Variants in DLGAP2 observed in about 807,000 individuals in gnomAD.
DLGAP2 encodes DLG associated protein 2, also known as disks large-associated protein 2.
DLGAP2 carries 26 observed loss-of-function variants against 100.3 expected under a neutral mutation model. The observed-to-expected ratio is 0.26, with a 90% confidence interval of 0.19 to 0.36. The LOEUF (loss-of-function observed/expected upper bound fraction) is 0.36, where lower values mean the gene tolerates loss of function less well. Ranked by LOEUF, DLGAP2 falls within the 10% of genes least tolerant of loss-of-function variation. DLGAP2 has a pLI of 1.00. For synonymous variants in DLGAP2, 886 were observed against 630.1 expected, an observed-to-expected ratio of 1.41 and a Z score of -6.08; for missense variants, 1,858 against 1,453.2, an observed-to-expected ratio of 1.28 and a Z score of -4.53.
At chr8:1,641,250 T>C (rs966795024) in intron 8 of DLGAP2, among the ~76,000 whole-genome samples, 3 of 152,220 alleles carry the variant, frequency 2.0e-5, no homozygotes, top group Admixed American at 6.5e-5. Context: ...ATCGTGCATC[T>C]GTATCAGGAA....
chr8:817,286 C>G (rs940295178), intron 1 of DLGAP2, among the ~76,000 whole-genome samples: 1 of 152,136 alleles, frequency 6.6e-6, no homozygotes, highest in Non-Finnish European at 1.5e-5. Flanking sequence ...TTGCATTTCT[C>G]TAAGTTTGAA....
At chr8:782,821 C>A (rs1051055831) in intron 1 of DLGAP2, among the ~76,000 whole-genome samples, 2 of 152,190 alleles carry the variant, frequency 1.3e-5, no homozygotes, top group Non-Finnish European at 2.9e-5. Context: ...CTCACTGAGA[C>A]CTCGTCTCCC....
intron 8 of DLGAP2, among the ~76,000 whole-genome samples, chr8:1,635,448 T>C (rs7465114): frequency 0.23 from 35,017 of 152,170 alleles, 4,821 homozygotes; most frequent in East Asian, 0.47. Flanking sequence ...GAAATTGATA[T>C]CCTAGCACTA....
intron 3 of DLGAP2, among the ~76,000 whole-genome samples, chr8:1,392,420 T>C (rs544595593): frequency 1.3e-5 from 2 of 152,166 alleles, no homozygotes; most frequent in African/African-American, 4.8e-5. Flanking sequence ...GTGGCCCCCG[T>C]CGGCCTGACT....
chr8:907,404 A>G (rs1013478758), intron 1 of DLGAP2, among the ~76,000 whole-genome samples: 13 of 152,088 alleles, frequency 8.5e-5, no homozygotes, highest in Admixed American at 6.5e-4. Flanking sequence ...CAAATAAGAT[A>G]TTTTCTTCCC....
Position 1,086,000 on chromosome 8 carries a change from G to A in DLGAP2, c.74-172851G>A, listed in dbSNP as rs574669379. 2.6e-5 allele frequency among the ~76,000 whole-genome samples: 4 copies of A among 152,188 alleles called. No individual in the cohort carries two copies. The South Asian group carries it at 8.3e-4, about 32-fold the overall frequency. ...CCTCCTTGGTTAAATTTATGCCTAA[G>A]TATTTTATTTTTATTTTTTGTTGCC... On this transcript the variant is annotated intron_variant, in intron 2 of 14. Transcript: ENST00000637795.
intron 1 of DLGAP2, among the ~76,000 whole-genome samples, chr8:851,307 G>T (rs957548230): frequency 1.3e-5 from 2 of 152,186 alleles, no homozygotes; most frequent in Admixed American, 6.5e-5. Context: ...TGACAAAGTC[G>T]CCTGGTGACG....
chr8:1,330,166 T>A (rs1801115955), intron 3 of DLGAP2, among the ~76,000 whole-genome samples: 1 of 152,096 alleles, frequency 6.6e-6, no homozygotes, highest in Non-Finnish European at 1.5e-5. Context: ...AGCCAACAGG[T>A]GCTGGCCGTG....
In DLGAP2 at chr8:1,668,630, C is replaced by T; in HGVS notation, c.2112C>T (p.Ser704=). Residue 704 remains serine, a synonymous_variant, in exon 9 of 15, where the codon TCC becomes TCT. Transcript: ENST00000637795. The part of the protein sequence containing the change: ...VRTSDKAILV[S]KAEELLKSRC... Reference sequence around the variant, plus strand: ...CCAGCGACAAGGCCATCCTGGTGTCCAAGGCGGAGGAGCTCCTCAAGAGCC... The same window carrying T: ...CCAGCGACAAGGCCATCCTGGTGTCTAAGGCGGAGGAGCTCCTCAAGAGCC... The T allele has an allele frequency of 6.3e-7, 1 of 1,596,504 alleles. No homozygotes were observed. Among genetic ancestry groups the T allele is most frequent in the Non-Finnish European group, 8.5e-7 (1 of 1,172,124 alleles).
intron 1 of DLGAP2, among the ~76,000 whole-genome samples, chr8:799,190 G>T (rs1171816934): frequency 2.0e-5 from 3 of 152,178 alleles, no homozygotes; most frequent in Non-Finnish European, 4.4e-5. Flanking sequence ...CCTTCTCTCT[G>T]GGTTTCAGCT....
At chr8:821,029 C>T (rs1039977727) in intron 1 of DLGAP2, among the ~76,000 whole-genome samples, 5 of 152,108 alleles carry the variant, frequency 3.3e-5, no homozygotes, top group South Asian at 2.1e-4. Flanking sequence ...ATAAAATGTA[C>T]GTTAACTGCT....
rs748850282 is a variant in DLGAP2, at chr8:1,668,532, G to A, written c.2014G>A (p.Ala672Thr). Residue 672 changes from alanine to threonine, a missense_variant, in exon 9 of 15, where the codon GCC becomes ACC. By Grantham distance (58) the Ala-to-Thr change is moderately conservative. Transcript: ENST00000637795. The stretch of plus-strand genomic sequence containing the variant: ...CACGGACAGCCTGGACAGCAACAAG[G>A]CCATGAACCTCGCGCTGGAAACGGC... ...NSTDSLDSNKAMNLALETAAA... is the reference protein window; with the variant it reads ...NSTDSLDSNKTMNLALETAAA... 3.1e-6 allele frequency: 5 copies of A among 1,593,188 alleles called. No individual in the cohort carries two copies. In the African/African-American group the frequency reaches 4.0e-5, roughly 13 times the overall value.
chr8:755,888 G>A (rs1165329246), intron 1 of DLGAP2, among the ~76,000 whole-genome samples: 2 of 152,230 alleles, frequency 1.3e-5, no homozygotes, highest in Non-Finnish European at 2.9e-5. Flanking sequence ...CAGAAACCAT[G>A]GCAGGGAAGG....
chr8:1,554,295 A>G (rs1801881160), intron 5 of DLGAP2, among the ~76,000 whole-genome samples: 1 of 118,976 alleles, frequency 8.4e-6, no homozygotes. Context: ...CTCTAAATAA[A>G]TAAATTAATT....
intron 4 of DLGAP2, among the ~76,000 whole-genome samples, chr8:1,526,727 C>T (rs1253641107): frequency 6.6e-6 from 1 of 152,196 alleles, no homozygotes; most frequent in African/African-American, 2.4e-5. Context: ...ACTAACTCCA[C>T]ATCAAGAGAG....
At chr8:1,197,648 G>A (rs11992526) in intron 2 of DLGAP2, among the ~76,000 whole-genome samples, 3 of 147,144 alleles carry the variant, frequency 2.0e-5, no homozygotes, top group Admixed American at 6.7e-5. Context: ...CCTGAGCCAC[G>A]CCAATGTGGA....
At chr8:1,182,072 G>T (rs919914129) in intron 2 of DLGAP2, among the ~76,000 whole-genome samples, 2 of 152,256 alleles carry the variant, frequency 1.3e-5, no homozygotes, top group Admixed American at 6.5e-5. Flanking sequence ...GTGCCTGATA[G>T]ATGGGTCTTG....
At chr8:1,450,759 T>C (rs1373380614) in intron 3 of DLGAP2, among the ~76,000 whole-genome samples, 1 of 152,158 alleles carries the variant, frequency 6.6e-6, no homozygotes, top group Non-Finnish European at 1.5e-5. Flanking sequence ...AGCATGGCTA[T>C]GTCTCTGCGC....
At chr8:1,456,364 G>A (rs935673135) in intron 3 of DLGAP2, among the ~76,000 whole-genome samples, 3 of 152,140 alleles carry the variant, frequency 2.0e-5, no homozygotes, top group African/African-American at 7.2e-5. Flanking sequence ...AAATTCTGTC[G>A]TCTTCCTGAC....
Sources: allele counts gnomAD v4.1 joint callset (sites outside exome capture counted in the v4.1 genomes callset), GRCh38; gene constraint gnomAD v4.1.1; transcripts MANE v1.5; gene names NCBI Gene and HGNC (gene_info 2026-07-23, HGNC 2026-07-21).